PYHIN1: variants seen among roughly 807,000 people sequenced by gnomAD.
PYHIN1 encodes pyrin and HIN domain family member 1.
Under a neutral mutation model 43.7 loss-of-function variants are expected in PYHIN1, and 32 were observed. That is an observed-to-expected ratio of 0.73 (90% CI 0.55 to 0.98). The LOEUF (loss-of-function observed/expected upper bound fraction) is 0.98, where lower values mean the gene tolerates loss of function less well. PYHIN1 is among the 50% of genes least tolerant of loss of function. The pLI is 0.00. For missense variants in PYHIN1, 588 were observed against 589.5 expected, an observed-to-expected ratio of 1.00 and a Z score of 0.03; for synonymous variants, 205 against 203.1, an observed-to-expected ratio of 1.01 and a Z score of -0.08.
intron 7 of PYHIN1, among the ~76,000 whole-genome samples, chr1:158,952,696 G>C (rs1649626488): frequency 6.6e-6 from 1 of 152,176 alleles, no homozygotes; most frequent in Admixed American, 6.5e-5. Flanking sequence ...GGCTGTTACT[G>C]GGACCCATTG....
At chr1:158,932,138 T>G (rs896313016) in intron 1 of PYHIN1, among the ~76,000 whole-genome samples, 1 of 152,210 alleles carries the variant, frequency 6.6e-6, no homozygotes, top group Non-Finnish European at 1.5e-5. Context: ...TATGGATGCA[T>G]AGTATTCCAC....
At chr1:158,978,748 A>C (rs1050261970), downstream of PYHIN1, among the ~76,000 whole-genome samples, 1 of 152,134 alleles carries the variant, frequency 6.6e-6, no homozygotes, top group Non-Finnish European at 1.5e-5. Flanking sequence ...GATAGGAAAG[A>C]AATTATCTTC....
chr1:158,989,960 C>T, the PYHIN1 span, among the ~76,000 whole-genome samples: 2 of 151,876 alleles, frequency 1.3e-5, no homozygotes, highest in Non-Finnish European at 2.9e-5. Context: ...CTTTTATCTA[C>T]AGAACCTTAA....
rs1291932634 is a variant in PYHIN1, at chr1:158,938,480, C to T, written c.349C>T (p.Pro117Ser). The T allele has an allele frequency of 3.1e-6, 5 of 1,614,160 alleles. No homozygotes were observed. Among genetic ancestry groups the T allele is most frequent in the East Asian group, 4.5e-5 (2 of 44,882 alleles). ...ACAGAAAGAAGTGTATCCTGCTACA[C>T]CTGCATGCACCCCAAGCAACCGTCT... ...TKQKEVYPATPACTPSNRLTA... is the reference protein window; with the variant it reads ...TKQKEVYPATSACTPSNRLTA... The change falls in exon 3 of 9, where the codon CCT becomes TCT. Residue 117 changes from proline to serine, a missense_variant. Pro to Ser is a moderately conservative substitution (Grantham distance 74). Coordinates refer to ENST00000368140, the MANE Select transcript of PYHIN1 (RefSeq NM_152501.5).
At chr1:158,986,746 G>A in the PYHIN1 span, among the ~76,000 whole-genome samples, 1 of 152,180 alleles carries the variant, frequency 6.6e-6, no homozygotes, top group Non-Finnish European at 1.5e-5. Context: ...CAAGACTTAA[G>A]GGATGGGCGT....
At chr1:158,950,844 A>G (rs1161352468) in intron 7 of PYHIN1, among the ~76,000 whole-genome samples, 2 of 152,190 alleles carry the variant, frequency 1.3e-5, no homozygotes, top group Non-Finnish European at 2.9e-5. Flanking sequence ...CACATGTGAC[A>G]AAATTGTTGA....
chr1:158,932,093 T>C (rs1326702623), intron 1 of PYHIN1, among the ~76,000 whole-genome samples: 2 of 152,206 alleles, frequency 1.3e-5, no homozygotes, highest in Non-Finnish European at 2.9e-5. Context: ...CATTGGGGTC[T>C]GGGCAAAAGA....
chr1:158,941,343 C>G (rs1648896882), intron 4 of PYHIN1, among the ~76,000 whole-genome samples: 1 of 152,192 alleles, frequency 6.6e-6, no homozygotes, highest in Admixed American at 6.5e-5. Context: ...CCTCCTAGAG[C>G]CCTGACATTG....
At chr1:158,968,210 G>C (rs1434244435) in intron 7 of PYHIN1, among the ~76,000 whole-genome samples, 1 of 151,722 alleles carries the variant, frequency 6.6e-6, no homozygotes, top group Non-Finnish European at 1.5e-5. Context: ...ACAAAGATCT[G>C]TTATCCAGAA....
At chr1:158,968,018 C>G (rs1650725997) in intron 7 of PYHIN1, among the ~76,000 whole-genome samples, 1 of 151,912 alleles carries the variant, frequency 6.6e-6, no homozygotes, top group African/African-American at 2.4e-5. Flanking sequence ...AAATACCATT[C>G]TGGATATAGG....
intron 7 of PYHIN1, among the ~76,000 whole-genome samples, chr1:158,954,624 C>T (rs1016197463): frequency 6.0e-5 from 9 of 148,990 alleles, no homozygotes; most frequent in African/African-American, 2.2e-4. Context: ...AAAGTAACAA[C>T]GGGTACCAGC....
intron 7 of PYHIN1, among the ~76,000 whole-genome samples, chr1:158,956,371 C>A (rs1042500736): frequency 3.9e-5 from 6 of 152,068 alleles, no homozygotes; most frequent in Non-Finnish European, 7.4e-5. Flanking sequence ...ACTGGCAAAA[C>A]GAATCCAGCA....
At chr1:158,963,471 A>G (rs1481607815) in intron 7 of PYHIN1, among the ~76,000 whole-genome samples, 1 of 152,152 alleles carries the variant, frequency 6.6e-6, no homozygotes, top group Non-Finnish European at 1.5e-5. Context: ...GAGGGAACAT[A>G]AAATCTGAGC....
At chr1:158,984,028 G>GTTTTTTTTTTTTTTTTTT in the PYHIN1 span, among the ~76,000 whole-genome samples, 8 of 111,204 alleles carry the variant, frequency 7.2e-5, no homozygotes, top group African/African-American at 2.8e-4. Context: ...ATCTTCTCCT[G>GTTTTTTTTTTTTTTTTTT]TTTTTTTTTT....
At chr1:158,982,614 G>GT in the PYHIN1 span, among the ~76,000 whole-genome samples, 1 of 152,052 alleles carries the variant, frequency 6.6e-6, no homozygotes, top group Non-Finnish European at 1.5e-5. Context: ...GATTATTTTG[G>GT]TTATTTGGGA....
intron 4 of PYHIN1, chr1:158,939,492 G>A (rs142386631): frequency 9.0e-6 from 14 of 1,550,902 alleles, no homozygotes; most frequent in Middle Eastern, 3.3e-4. Flanking sequence ...TGCGGAATCT[G>A]GAACTTTCAG....
At chr1:158,989,457 A>G in the PYHIN1 span, among the ~76,000 whole-genome samples, 1 of 152,192 alleles carries the variant, frequency 6.6e-6, no homozygotes, top group South Asian at 2.1e-4. Flanking sequence ...TTCATTACTG[A>G]TGCAATGAAG....
At chr1:158,941,835 T>C (rs934578948) in intron 4 of PYHIN1, 142 bp from the exon 5 acceptor site, 21 of 664,534 alleles carry the variant, frequency 3.2e-5, no homozygotes, top group Middle Eastern at 3.1e-4. Flanking sequence ...CAGAATATCC[T>C]CTCCTTCCCT....
chr1:158,973,918 G>T (rs1651093701), intron 8 of PYHIN1, 147 bp downstream of exon 8: 1 of 955,812 alleles, frequency 1.0e-6, no homozygotes, highest in Admixed American at 2.9e-5. Flanking sequence ...ATATATAATT[G>T]GACATGCCAC....
Sources: gnomAD v4.1 joint callset for allele counts (sites outside exome capture counted in the v4.1 genomes callset) on GRCh38, gnomAD v4.1.1 for gene constraint, MANE v1.5 for transcripts, NCBI Gene and HGNC (gene_info 2026-07-23, HGNC 2026-07-21) for gene names.